CSGALNACT1: variants seen among roughly 807,000 people sequenced by gnomAD.
The protein encoded by CSGALNACT1 is chondroitin sulfate N-acetylgalactosaminyltransferase 1, also known as beta4GalNAcT-1.
Under a neutral mutation model 51.0 loss-of-function variants are expected in CSGALNACT1, and 52 were observed. The ratio of observed to expected loss-of-function variants is 1.02; its 90% CI spans 0.82 to 1.29. The LOEUF is 1.29. CSGALNACT1 is among the 50% of genes most tolerant of loss of function. The pLI is 0.00. For missense variants in CSGALNACT1, 935 were observed against 679.2 expected (o/e 1.38, Z -4.19); for synonymous variants, 341 against 254.4 (o/e 1.34, Z -3.24).
Position 19,553,620 on chromosome 8 carries a change from C to CAT in CSGALNACT1, c.-297+37538_-297+37539dup, listed in dbSNP as rs769189103. ...AAAAATACATTTATGTATATAAATA[C>CAT]ATATATATATATATATATAAAAAAA... On this transcript the variant is annotated intron_variant, in intron 3 of 9. Coordinates refer to ENST00000454498, the Ensembl canonical transcript of CSGALNACT1. Among the ~76,000 whole-genome samples the CAT allele has an allele frequency of 7.7e-3, 552 of 71,534 alleles. 24 individuals are homozygous for CAT. Among genetic ancestry groups the CAT allele is most frequent in the Middle Eastern group, 0.032 (4 of 126 alleles). 46.9% of individuals were successfully genotyped at this position (71,534 alleles called of 152,430 possible).
intron 4 of CSGALNACT1, among the ~76,000 whole-genome samples, chr8:19,497,493 C>T (rs1175319196): frequency 6.6e-6 from 1 of 152,084 alleles, no homozygotes; most frequent in African/African-American, 2.4e-5. Context: ...ATCATGAGAA[C>T]CAGACTCAGG....
intron 3 of CSGALNACT1, among the ~76,000 whole-genome samples, chr8:19,553,902 A>G (rs1470077674): frequency 6.8e-6 from 1 of 147,460 alleles, no homozygotes; most frequent in Non-Finnish European, 1.5e-5. Context: ...GAACTCGTAG[A>G]ACACACACAC....
chr8:19,463,472 G>C (rs980735052), intron 4 of CSGALNACT1, among the ~76,000 whole-genome samples: 3 of 152,106 alleles, frequency 2.0e-5, no homozygotes, highest in African/African-American at 7.2e-5. Flanking sequence ...CTCTTTATTG[G>C]TGGAAACACA....
intron 1 of CSGALNACT1, among the ~76,000 whole-genome samples, chr8:19,691,062 A>G (rs1355192924): frequency 6.6e-6 from 1 of 152,222 alleles, no homozygotes; most frequent in Non-Finnish European, 1.5e-5. Context: ...ACTGCACTCA[A>G]GCTTGGACAA....
chr8:19,739,725 T>C (rs1254569252), intron 1 of CSGALNACT1, among the ~76,000 whole-genome samples: 1 of 152,184 alleles, frequency 6.6e-6, no homozygotes, highest in Non-Finnish European at 1.5e-5. Context: ...TCTTGCGCCA[T>C]GAGCACGAGG....
At chr8:19,571,779 C>T (rs1358697275) in intron 3 of CSGALNACT1, among the ~76,000 whole-genome samples, 4 of 152,222 alleles carry the variant, frequency 2.6e-5, no homozygotes, top group African/African-American at 9.6e-5. Context: ...TACAGTCCCT[C>T]AGCAAAATGG....
At chr8:19,500,971 C>A (rs771287351) in intron 4 of CSGALNACT1, among the ~76,000 whole-genome samples, 2 of 152,114 alleles carry the variant, frequency 1.3e-5, no homozygotes, top group Non-Finnish European at 2.9e-5. Flanking sequence ...GGGCAGAGGC[C>A]GGGCACGGTG....
chr8:19,720,438 T>A (rs1214501138), intron 1 of CSGALNACT1, among the ~76,000 whole-genome samples: 3 of 152,046 alleles, frequency 2.0e-5, no homozygotes, highest in African/African-American at 7.2e-5. Flanking sequence ...GAGGGAGAAA[T>A]GGCTTCTAGC....
chr8:19,467,338 G>T (rs1252189478), intron 4 of CSGALNACT1, among the ~76,000 whole-genome samples: 2 of 151,878 alleles, frequency 1.3e-5, no homozygotes, highest in East Asian at 1.9e-4. Flanking sequence ...TGCCAGGATG[G>T]TCTCCATCTC....
At chr8:19,472,882 T>C (rs1247748350) in intron 4 of CSGALNACT1, among the ~76,000 whole-genome samples, 1 of 152,212 alleles carries the variant, frequency 6.6e-6, no homozygotes, top group Non-Finnish European at 1.5e-5. Flanking sequence ...TTCATAGGGT[T>C]ACTTTGAAGA....
chr8:19,488,307 G>A (rs112119790), intron 4 of CSGALNACT1, among the ~76,000 whole-genome samples: 2 of 149,562 alleles, frequency 1.3e-5, no homozygotes, highest in African/African-American at 4.9e-5. Flanking sequence ...CTGAGCTCAT[G>A]CCACTGCACT....
At chr8:19,626,170 T>G (rs979857894) in intron 1 of CSGALNACT1, among the ~76,000 whole-genome samples, 2 of 152,214 alleles carry the variant, frequency 1.3e-5, no homozygotes, top group Admixed American at 6.5e-5. Flanking sequence ...GTTTTAAGAC[T>G]TACTGTGTAA....
intron 4 of CSGALNACT1, among the ~76,000 whole-genome samples, chr8:19,476,249 G>C (rs1479983975): frequency 2.0e-5 from 3 of 151,872 alleles, no homozygotes; most frequent in Admixed American, 6.6e-5. Context: ...GTTTGTTTTT[G>C]GTTTTTTGAG....
chr8:19,615,249 G>A (rs1408697275), intron 1 of CSGALNACT1, among the ~76,000 whole-genome samples: 1 of 152,184 alleles, frequency 6.6e-6, no homozygotes, highest in African/African-American at 2.4e-5. Flanking sequence ...GTTGCAGTGA[G>A]CCCGGATTGT....
chr8:19,433,585 T>C (rs1429072696), intron 6 of CSGALNACT1, among the ~76,000 whole-genome samples: 1 of 152,366 alleles, frequency 6.6e-6, no homozygotes, highest in Non-Finnish European at 1.5e-5. Context: ...AAATACTTTC[T>C]GCATTGGAAG....
chr8:19,666,841 GAAAGAAAGAAAGAA>G (rs1328247997), intron 1 of CSGALNACT1, among the ~76,000 whole-genome samples: 1 of 77,928 alleles, frequency 1.3e-5, no homozygotes, highest in Non-Finnish European at 2.3e-5. Flanking sequence ...GAGAAAGAAA[GAAAGAAAGAAAGAA>G]AGAAAGAAAG....
chr8:19,629,859 A>G (rs1214345667), intron 1 of CSGALNACT1, among the ~76,000 whole-genome samples: 1 of 152,212 alleles, frequency 6.6e-6, no homozygotes, highest in African/African-American at 2.4e-5. Context: ...TGCAAATTGA[A>G]TTAGAAAAAA....
At chr8:19,514,105 C>T (rs1310649911) in intron 3 of CSGALNACT1, among the ~76,000 whole-genome samples, 6 of 152,156 alleles carry the variant, frequency 3.9e-5, no homozygotes, top group African/African-American at 7.2e-5. Flanking sequence ...TCTTCTGCTA[C>T]GTTCCTGACA....
chr8:19,480,407 G>A (rs2071036168), intron 4 of CSGALNACT1, among the ~76,000 whole-genome samples: 1 of 152,102 alleles, frequency 6.6e-6, no homozygotes, highest in Admixed American at 6.5e-5. Context: ...GAGCTGGAGT[G>A]GTCTCCAGCT....
Sources: allele counts gnomAD v4.1 joint callset (sites outside exome capture counted in the v4.1 genomes callset), GRCh38; gene constraint gnomAD v4.1.1; transcripts MANE v1.5; gene names NCBI Gene and HGNC (gene_info 2026-07-23, HGNC 2026-07-21).